The following KIAA1217 variants were observed in gnomAD, a reference collection of about 807,000 sequenced individuals.
KIAA1217 encodes sickle tail protein homolog.
Under a neutral mutation model 163.9 loss-of-function variants are expected in KIAA1217, and 88 were observed. The ratio of observed to expected loss-of-function variants is 0.54; its 90% CI spans 0.45 to 0.64. The LOEUF is 0.64. KIAA1217 is among the 30% of genes least tolerant of loss of function. The pLI is 0.00. For synonymous variants in KIAA1217, 903 were observed against 923.1 expected, an observed-to-expected ratio of 0.98 and a Z score of 0.39; for missense variants, 2,372 against 2,475.0, an observed-to-expected ratio of 0.96 and a Z score of 0.88.
chr10:24,224,539 G>A (rs1590035622), intron 2 of KIAA1217, among the ~76,000 whole-genome samples: 1 of 151,870 alleles, frequency 6.6e-6, no homozygotes, highest in East Asian at 2.0e-4. Context: ...TAGAGATGGG[G>A]CTAGTCTGGA....
In KIAA1217 at chr10:24,090,377, G is replaced by A. The variant is rs183361430; in HGVS notation, c.-171+83003G>A. 1.1e-4 allele frequency among the ~76,000 whole-genome samples: 11 copies of A among 104,482 alleles called. No homozygotes were observed. The East Asian group carries it at 3.1e-3, about 29-fold the overall frequency. 68.5% of individuals were successfully genotyped at this position (104,482 alleles called of 152,430 possible). ...TTTTTTTTTGAAGAGACAGGGTCTT[G>A]CTATATTACCCAGGCTGGTCTCAAA... On this transcript the variant is annotated intron_variant, in intron 2 of 18. Coordinates refer to the KIAA1217 transcript ENST00000376462.
intron 1 of KIAA1217, among the ~76,000 whole-genome samples, chr10:23,943,589 C>T (rs1196042243): frequency 6.6e-6 from 1 of 152,178 alleles, no homozygotes; most frequent in Non-Finnish European, 1.5e-5. Flanking sequence ...GAAACTGCAA[C>T]AGGCATTTTT....
intron 1 of KIAA1217, among the ~76,000 whole-genome samples, chr10:23,775,213 G>A (rs1018644555): frequency 6.6e-6 from 1 of 152,150 alleles, no homozygotes; most frequent in Non-Finnish European, 1.5e-5. Context: ...GAAGGGAGAT[G>A]AGGAGATTCA....
chr10:23,853,162 G>A (rs567590787), intron 1 of KIAA1217, among the ~76,000 whole-genome samples: 4 of 152,242 alleles, frequency 2.6e-5, no homozygotes, highest in Admixed American at 2.0e-4. Context: ...GTCATAGATA[G>A]CTCTTATTAT....
chr10:23,887,952 G>A (rs1197439713), intron 1 of KIAA1217, among the ~76,000 whole-genome samples: 2 of 151,866 alleles, frequency 1.3e-5, no homozygotes, highest in Non-Finnish European at 2.9e-5. Flanking sequence ...TTATCTTTGT[G>A]ATTTTGTGTA....
intron 2 of KIAA1217, among the ~76,000 whole-genome samples, chr10:24,047,612 ACT>A (rs1286269621): frequency 6.6e-6 from 1 of 151,912 alleles, no homozygotes; most frequent in Non-Finnish European, 1.5e-5. Flanking sequence ...TACCAGGAAA[ACT>A]CTATTATCAG....
At chr10:24,463,557 T>G (rs879524231) in intron 5 of KIAA1217, among the ~76,000 whole-genome samples, 1 of 152,216 alleles carries the variant, frequency 6.6e-6, no homozygotes, top group Non-Finnish European at 1.5e-5. Flanking sequence ...CAAGATGAAT[T>G]TGAAATTTTT....
intron 2 of KIAA1217, among the ~76,000 whole-genome samples, chr10:24,105,152 G>A (rs561752279): frequency 6.6e-6 from 1 of 152,186 alleles, no homozygotes; most frequent in South Asian, 2.1e-4. Context: ...TATAAGTATG[G>A]AGTCCTAGGT....
At chr10:24,140,231 G>A (rs553114836) in intron 2 of KIAA1217, among the ~76,000 whole-genome samples, 2 of 152,012 alleles carry the variant, frequency 1.3e-5, no homozygotes, top group Non-Finnish European at 2.9e-5. Flanking sequence ...AAGGTGGCAG[G>A]CGCCTGTAGT....
rs1373280523 is a variant in KIAA1217 at position 24,528,090 on chromosome 10, A to T, written c.3053A>T (p.Asp1018Val). The T allele has an allele frequency of 6.2e-7, 1 of 1,613,960 alleles. No homozygotes were observed. The highest frequency in any genetic ancestry group is 1.3e-5 in the African/African-American group (1 of 74,930). ...PPATGPLPRG[D>V]APVDKVELSE... Reference sequence around the variant, plus strand: ...GCCACAGGCCCACTGCCAAGGGGAGATGCCCCAGTGGACAAGGTGGAACTT... The same window carrying T: ...GCCACAGGCCCACTGCCAAGGGGAGTTGCCCCAGTGGACAAGGTGGAACTT... The change falls in exon 14 of 21, where the codon GAT becomes GTT. Residue 1018 changes from aspartate to valine, a missense_variant. Asp to Val is a radical substitution (Grantham distance 152, BLOSUM62 -3). Around this residue, in one of 3 missense-constraint regions of KIAA1217, gnomAD observed 1,431 missense variants for 1,470.3 expected, o/e 0.97. Coordinates refer to ENST00000376454, the MANE Select transcript of KIAA1217 (RefSeq NM_019590.5).
intron 2 of KIAA1217, among the ~76,000 whole-genome samples, chr10:24,270,238 G>A (rs187490989): frequency 1.3e-3 from 196 of 152,290 alleles, no homozygotes; most frequent in Non-Finnish European, 2.2e-3. Context: ...TGAAGATTGT[G>A]GTTCATGTCA....
intron 2 of KIAA1217, among the ~76,000 whole-genome samples, chr10:24,068,063 A>G (rs1010538743): frequency 6.6e-6 from 1 of 152,348 alleles, no homozygotes; most frequent in East Asian, 1.9e-4. Context: ...TGACTAGGAA[A>G]GGGAATTCCC....
At chr10:23,944,913 G>A (rs35809930) in intron 1 of KIAA1217, among the ~76,000 whole-genome samples, 22,714 of 151,978 alleles carry the variant, frequency 0.15, 3,624 homozygotes, top group African/African-American at 0.4. Flanking sequence ...GTAAAAATTA[G>A]CCAGACGTGG....
intron 5 of KIAA1217, among the ~76,000 whole-genome samples, chr10:24,468,075 C>T (rs1420093051): frequency 2.0e-5 from 3 of 152,150 alleles, no homozygotes; most frequent in Admixed American, 1.3e-4. Flanking sequence ...GTGAATTATA[C>T]AATCTTAACC....
At chr10:24,199,238 G>C (rs1411352729) in intron 2 of KIAA1217, among the ~76,000 whole-genome samples, 1 of 151,912 alleles carries the variant, frequency 6.6e-6, no homozygotes, top group Non-Finnish European at 1.5e-5. Flanking sequence ...TCTCAAAATA[G>C]AAAAGAATTA....
intron 2 of KIAA1217, among the ~76,000 whole-genome samples, chr10:24,226,545 G>A (rs1162185550): frequency 2.0e-5 from 3 of 152,034 alleles, no homozygotes; most frequent in Non-Finnish European, 4.4e-5. Flanking sequence ...TGGAGGCTGA[G>A]GTGGGAGAAT....
chr10:24,007,555 T>C (rs1000958193), intron 2 of KIAA1217, among the ~76,000 whole-genome samples: 16 of 152,222 alleles, frequency 1.1e-4, no homozygotes, highest in Non-Finnish European at 1.6e-4. Flanking sequence ...TTCTGATATG[T>C]AGCTGCTTTA....
chr10:24,351,058 A>T (rs746795102), intron 2 of KIAA1217, among the ~76,000 whole-genome samples: 12 of 151,706 alleles, frequency 7.9e-5, no homozygotes, highest in Non-Finnish European at 1.5e-4. Flanking sequence ...AGCAATTCTC[A>T]TGCCTCAGCC....
intron 1 of KIAA1217, among the ~76,000 whole-genome samples, chr10:23,810,650 GTA>G (rs1333686599): frequency 4.8e-5 from 6 of 126,202 alleles, no homozygotes; most frequent in East Asian, 2.2e-4. Context: ...TATATAGTGT[GTA>G]TATATATAAT....
Sources: allele counts gnomAD v4.1 joint callset (sites outside exome capture counted in the v4.1 genomes callset), GRCh38; gene constraint gnomAD v4.1.1; regional missense constraint gnomAD v4.1.1; transcripts MANE v1.5; gene names NCBI Gene and HGNC (gene_info 2026-07-23, HGNC 2026-07-21).